Variants in DTHD1 observed in about 807,000 individuals in gnomAD.
DTHD1 encodes death domain-containing protein 1.
Under a neutral mutation model 74.8 loss-of-function variants are expected in DTHD1, and 59 were observed. The observed-to-expected ratio is 0.79, with a 90% CI of 0.64 to 0.98. The LOEUF is 0.98. Ranked by LOEUF, DTHD1 falls within the 50% of genes least tolerant of loss-of-function variation. The pLI is 0.00. For missense variants in DTHD1, 1,051 were observed against 1,065.4 expected (o/e 0.99, Z 0.19); for synonymous variants, 365 against 371.1 (o/e 0.98, Z 0.19).
chr4:36,308,778 C>T (rs1366770139), intron 7 of DTHD1, among the ~76,000 whole-genome samples: 2 of 152,282 alleles, frequency 1.3e-5, no homozygotes, highest in Middle Eastern at 3.4e-3. Context: ...TTATCTCTTT[C>T]CTACAGGAGT....
In DTHD1 at chr4:36,343,049, C is replaced by T. The variant is rs141728823; in HGVS notation, c.2399-453C>T. ...AAGGTTGCAGTGAGCCCAGCTCACA[C>T]GACTGCACTCCAGCCTGGAGACAGA... On this transcript the variant is annotated intron_variant, in intron 9 of 9. Coordinates refer to ENST00000639862, the MANE Select transcript of DTHD1 (RefSeq NM_001170700.3). Among the ~76,000 whole-genome samples, 44 of 152,050 alleles carry T rather than the reference C, an allele frequency of 2.9e-4. No homozygotes were observed. The East Asian group carries it at 7.8e-3, about 27-fold the overall frequency.
rs28662098 is a variant in DTHD1, at chr4:36,291,741, T to C, written c.1218+1038T>C. Reference sequence around the variant, plus strand: ...TACTGGGGAGGCTGAGGCAGGAGAATCGCTTGAACCCGGGAAGCGGAGGGT... The same window carrying C: ...TACTGGGGAGGCTGAGGCAGGAGAACCGCTTGAACCCGGGAAGCGGAGGGT... On this transcript the variant is annotated intron_variant, in intron 3 of 9. Transcript: ENST00000639862. Among the ~76,000 whole-genome samples, 405 of 152,238 alleles carry C rather than the reference T, an allele frequency of 2.7e-3. 6 individuals are homozygous for C. Among genetic ancestry groups the C allele is most frequent in the African/African-American group, 9.4e-3 (392 of 41,532 alleles).
chr4:36,334,358 GT>G (rs34455692), intron 8 of DTHD1, among the ~76,000 whole-genome samples: 6,746 of 138,784 alleles, frequency 0.049, 205 homozygotes, highest in South Asian at 0.083. Context: ...ATTTTTTTTG[GT>G]TTTTTTTTTT....
Position 36,346,672 on chromosome 4 carries a change from A to T in DTHD1, c.*2848A>T, listed in dbSNP as rs1759604038. Among the ~76,000 whole-genome samples, 1 of 151,924 alleles carries T rather than the reference A, an allele frequency of 6.6e-6. No homozygotes were observed. The highest frequency in any genetic ancestry group is 1.5e-5 in the Non-Finnish European group (1 of 68,018). On this transcript the variant is annotated 3_prime_UTR_variant, in exon 10 of 10. Transcript: ENST00000639862. ...AGCCAACCTGTATGGACCACATCAG[A>T]GATGCCTTGTTCGCTTTTGCTAATG...
chr4:36,314,183 T>G lies in DTHD1; in HGVS notation c.2096-2059T>G, dbSNP rs549981633. On this transcript the variant is annotated intron_variant, in intron 7 of 9. Coordinates refer to ENST00000639862, the MANE Select transcript of DTHD1 (RefSeq NM_001170700.3). ...ATCTGGAGTTATTCTATTTCTAGATTTAACTGAGCTTTAGAAAAATCACCA... is the reference window on the plus strand; with the variant it reads ...ATCTGGAGTTATTCTATTTCTAGATGTAACTGAGCTTTAGAAAAATCACCA... Among the ~76,000 whole-genome samples, 402 of 152,030 alleles carry G rather than the reference T, an allele frequency of 2.6e-3. 2 individuals are homozygous for G. The highest frequency in any genetic ancestry group is 4.6e-3 in the Non-Finnish European group (314 of 67,982).
intron 5 of DTHD1, among the ~76,000 whole-genome samples, chr4:36,303,180 T>C (rs1374160289): frequency 2.6e-5 from 4 of 152,202 alleles, no homozygotes; most frequent in Admixed American, 6.5e-5. Context: ...TTTATGGAGT[T>C]TGATCAAGTG....
rs910171439 is a variant in DTHD1, at chr4:36,343,647, C to A, written c.2544C>A (p.Ile848=). 1 of 1,551,912 alleles carries A rather than the reference C, an allele frequency of 6.4e-7. No homozygotes were observed. ...LKNPDDLTEQ[I]HEFLCFWKKS... is the part of the protein sequence containing the mutation. ...ACCCTGATGATCTCACAGAACAGAT[C>A]CACGAGTTTCTTTGCTTCTGGAAAA... is the stretch of plus-strand genomic sequence containing the variant. The change falls in exon 10 of 10, where the codon ATC becomes ATA. Residue 848 remains isoleucine (I), a synonymous_variant. Transcript: ENST00000639862.
At chr4:36,300,630 C>G (rs187769277) in intron 5 of DTHD1, among the ~76,000 whole-genome samples, 3 of 77,588 alleles carry the variant, frequency 3.9e-5, no homozygotes, top group Non-Finnish European at 8.2e-5. Context: ...CTGTTTTACA[C>G]TAAAGATTAT....
At chr4:36,282,122 G>A (rs944095947) in intron 1 of DTHD1, 93 bp downstream of exon 1, 6 of 1,079,834 alleles carry the variant, frequency 5.6e-6, no homozygotes, top group Non-Finnish European at 7.4e-6. Context: ...GATAGGCTAA[G>A]ATAGAGTTTC....
chr4:36,282,145 A>T, intron 1 of DTHD1, 116 bp downstream of exon 1: 3 of 855,546 alleles, frequency 3.5e-6, no homozygotes, highest in Non-Finnish European at 4.8e-6. Flanking sequence ...TCCACAAGAG[A>T]CTAACAATTT....
intron 7 of DTHD1, 146 bp downstream of exon 7, chr4:36,308,639 A>G (rs1014023860): frequency 5.9e-6 from 4 of 681,854 alleles, no homozygotes; most frequent in Non-Finnish European, 9.4e-6. Flanking sequence ...AGACTTATTT[A>G]TTATACTTTT....
Position 36,290,499 on chromosome 4 carries a change from T to A in DTHD1, c.1014T>A (p.Asp338Glu). 2 of 1,551,722 alleles carry A rather than the reference T, an allele frequency of 1.3e-6. No homozygotes were observed. The highest frequency in any genetic ancestry group is 1.7e-6 in the Non-Finnish European group (2 of 1,146,982). The change falls in exon 3 of 10, where the codon GAT becomes GAA. Residue 338 changes from aspartate (D) to glutamate (E), a missense_variant. Asp to Glu is a conservative substitution (Grantham distance 45). Transcript: ENST00000639862. ...ACATGAGTTCTTTAATAGTGGGTGA[T>A]AATGAAGAGTTAGTTAGCAACGTCA... ...INHMSSLIVG[D>E]NEELVSNVIT...
chr4:36,293,327 G>A (rs555433198), intron 3 of DTHD1, among the ~76,000 whole-genome samples, 199 bp from the exon 4 acceptor site: 55 of 152,228 alleles, frequency 3.6e-4, no homozygotes, highest in African/African-American at 1.2e-3. Context: ...TTATTGTGTA[G>A]TCTAAATTTG....
rs901700907 is a variant in DTHD1, at chr4:36,345,417, G to A, written c.*1593G>A. On this transcript the variant is annotated 3_prime_UTR_variant, in exon 10 of 10. Coordinates refer to ENST00000639862, the MANE Select transcript of DTHD1 (RefSeq NM_001170700.3). The stretch of plus-strand genomic sequence containing the variant: ...ATTAGGTCGTTGGCTTGAAAACATC[G>A]GTAGCAATTAGTTTCAGTTATTGAA... 17 of 151,950 alleles carry A rather than the reference G, an allele frequency of 1.1e-4. No individual in the cohort carries two copies. The highest frequency in any genetic ancestry group is 6.6e-4 in the Admixed American group (10 of 15,248). The allele number at this position is 151,950 out of a possible 1,614,324, so 9.4% of individuals were successfully genotyped here. A position where few individuals can be genotyped will look rare whatever the true frequency, so the allele number is the denominator to read the frequency against.
intron 4 of DTHD1, 121 bp downstream of exon 4, chr4:36,293,826 A>G: frequency 2.5e-6 from 2 of 812,016 alleles, no homozygotes; most frequent in Non-Finnish European, 1.8e-6. Context: ...ATTTTCTTGT[A>G]GTTGTAACGG....
At chr4:36,300,061 T>C (rs1485803078) in intron 5 of DTHD1, among the ~76,000 whole-genome samples, 1 of 152,236 alleles carries the variant, frequency 6.6e-6, no homozygotes, top group East Asian at 1.9e-4. Flanking sequence ...CTGTCCTTTA[T>C]TAAACTTTTC....
chr4:36,316,734 T>C (rs1757762547), intron 8 of DTHD1, among the ~76,000 whole-genome samples: 1 of 152,220 alleles, frequency 6.6e-6, no homozygotes, highest in South Asian at 2.1e-4. Flanking sequence ...ATGTTGTTGC[T>C]AACTATGAAA....
At chr4:36,293,355 T>C (rs1756195279) in intron 3 of DTHD1, among the ~76,000 whole-genome samples, 171 bp from the exon 4 acceptor site, 1 of 152,232 alleles carries the variant, frequency 6.6e-6, no homozygotes, top group Non-Finnish European at 1.5e-5. Flanking sequence ...CTTATCTATT[T>C]CTACTTAATC....
chr4:36,329,130 C>T (rs914407560), intron 8 of DTHD1, among the ~76,000 whole-genome samples: 1 of 152,206 alleles, frequency 6.6e-6, no homozygotes, highest in African/African-American at 2.4e-5. Flanking sequence ...ACGTCCACCA[C>T]TTTTACCACT....
Sources: gnomAD v4.1 joint callset for allele counts (sites outside exome capture counted in the v4.1 genomes callset) on GRCh38, gnomAD v4.1.1 for gene constraint, MANE v1.5 for transcripts, NCBI Gene and HGNC (gene_info 2026-07-23, HGNC 2026-07-21) for gene names.